The following LAPTM4B variants were observed in gnomAD, a reference collection of about 807,000 sequenced individuals.
LAPTM4B encodes lysosomal protein transmembrane 4 beta, also known as lysosomal-associated transmembrane protein 4B.
In LAPTM4B, 26 loss-of-function variants were observed where a neutral mutation model predicts 28.5. That is an observed-to-expected ratio of 0.91 (90% confidence interval 0.67 to 1.27). The LOEUF is 1.27. Ranked by LOEUF, LAPTM4B falls within the 50% of genes most tolerant of loss-of-function variation. The pLI is 0.00. For synonymous variants in LAPTM4B, 109 were observed against 106.4 expected (o/e 1.02, Z -0.15); for missense variants, 288 against 285.8 (o/e 1.01, Z -0.06).
chr8:97,788,395 G>A, intron 1 of LAPTM4B: 1 of 277,562 alleles, frequency 3.6e-6, no homozygotes, highest in Non-Finnish European at 7.4e-6. Flanking sequence ...CCACGATGGT[G>A]GAGAAAGGAA....
At chr8:97,779,903 T>C (rs1384370990) in intron 1 of LAPTM4B, among the ~76,000 whole-genome samples, 4 of 150,950 alleles carry the variant, frequency 2.6e-5, no homozygotes, top group Non-Finnish European at 5.9e-5. Flanking sequence ...ACTACAAAAT[T>C]AGTCGGGCGC....
intron 6 of LAPTM4B, among the ~76,000 whole-genome samples, chr8:97,828,269 C>T (rs1817124580): frequency 6.6e-6 from 1 of 151,866 alleles, no homozygotes; most frequent in Admixed American, 6.6e-5. Context: ...TTAGGGGTGG[C>T]GTGGGTACCT....
intron 2 of LAPTM4B, among the ~76,000 whole-genome samples, chr8:97,813,647 G>A (rs1004674880): frequency 6.6e-6 from 1 of 152,226 alleles, no homozygotes; most frequent in African/African-American, 2.4e-5. Flanking sequence ...ATCAGCTCTG[G>A]TGTCCAGTAT....
At chr8:97,785,857 GTC>G (rs1286709203) in intron 1 of LAPTM4B, among the ~76,000 whole-genome samples, 1 of 152,194 alleles carries the variant, frequency 6.6e-6, no homozygotes, top group Non-Finnish European at 1.5e-5. Context: ...TCGTTTTAAT[GTC>G]TCTCTGGGCC....
At chr8:97,829,937 C>T (rs1194062599) in intron 6 of LAPTM4B, among the ~76,000 whole-genome samples, 1 of 152,096 alleles carries the variant, frequency 6.6e-6, no homozygotes, top group Non-Finnish European at 1.5e-5. Context: ...CCTCGTGATC[C>T]ACCTGCCTCG....
chr8:97,815,217 T>C (rs1480693988), intron 2 of LAPTM4B, 111 bp from the exon 3 acceptor site: 4 of 761,150 alleles, frequency 5.3e-6, no homozygotes, highest in African/African-American at 3.5e-5. Flanking sequence ...AAGTATTTAC[T>C]AACTTTATGC....
At chr8:97,819,727 C>CTTTTTTTTTT (rs532220760) in intron 5 of LAPTM4B, among the ~76,000 whole-genome samples, 3 of 78,570 alleles carry the variant, frequency 3.8e-5, no homozygotes, top group African/African-American at 1.5e-4. Flanking sequence ...GATAAATTTC[C>CTTTTTTTTTT]TTTTTTTTTT....
chr8:97,849,306 C>G (rs1256918018), intron 6 of LAPTM4B, among the ~76,000 whole-genome samples: 1 of 152,168 alleles, frequency 6.6e-6, no homozygotes, highest in Non-Finnish European at 1.5e-5. Flanking sequence ...CTGTGTCTGC[C>G]TTCTGCTAGA....
At chr8:97,806,534 A>G (rs1433067161) in intron 2 of LAPTM4B, among the ~76,000 whole-genome samples, 3 of 152,214 alleles carry the variant, frequency 2.0e-5, no homozygotes, top group Non-Finnish European at 4.4e-5. Context: ...CTTTAATTTC[A>G]GTAACTAGCT....
chr8:97,830,896 G>A (rs1817174760), intron 6 of LAPTM4B, among the ~76,000 whole-genome samples: 1 of 152,174 alleles, frequency 6.6e-6, no homozygotes, highest in African/African-American at 2.4e-5. Flanking sequence ...TGAAGGACTG[G>A]AAGATAGTTA....
At chr8:97,822,430 T>A (rs2449538) in intron 5 of LAPTM4B, among the ~76,000 whole-genome samples, 132,588 of 151,530 alleles carry the variant, frequency 0.87, 59,315 homozygotes, top group East Asian at 0.96. Context: ...AAAGACTTTT[T>A]AAATCTTTTA....
At chr8:97,800,281 G>A (rs964171574) in intron 1 of LAPTM4B, among the ~76,000 whole-genome samples, 1 of 152,100 alleles carries the variant, frequency 6.6e-6, no homozygotes, top group African/African-American at 2.4e-5. Context: ...TAAAGCAGGT[G>A]TCTTAACACT....
chr8:97,849,128 C>A (rs4452774), intron 6 of LAPTM4B, among the ~76,000 whole-genome samples: 6 of 152,090 alleles, frequency 3.9e-5, no homozygotes, highest in South Asian at 4.1e-4. Flanking sequence ...CAGAAAGTGC[C>A]CTGTGTCCTG....
chr8:97,831,748 T>C (rs1378638209), intron 6 of LAPTM4B, among the ~76,000 whole-genome samples: 1 of 152,218 alleles, frequency 6.6e-6, no homozygotes, highest in East Asian at 1.9e-4. Context: ...ATTGGCTGTC[T>C]GGAGCGGAGA....
intron 2 of LAPTM4B, 32 bp from the exon 3 acceptor site, chr8:97,815,296 T>G: frequency 6.4e-7 from 1 of 1,571,328 alleles, no homozygotes; most frequent in Non-Finnish European, 8.7e-7. Context: ...TGATTGTCTT[T>G]TTTAAAGAAA....
chr8:97,782,076 G>A (rs375744128), intron 1 of LAPTM4B, among the ~76,000 whole-genome samples: 44 of 151,130 alleles, frequency 2.9e-4, no homozygotes, highest in African/African-American at 9.0e-4. Context: ...CGACTCCCAG[G>A]TTCAAGCAAT....
At chr8:97,801,152 TAC>T (rs1816670276) in intron 1 of LAPTM4B, among the ~76,000 whole-genome samples, 1 of 151,232 alleles carries the variant, frequency 6.6e-6, no homozygotes, top group African/African-American at 2.4e-5. Flanking sequence ...AATAATGGAG[TAC>T]ATTGCCCTTG....
intron 6 of LAPTM4B, among the ~76,000 whole-genome samples, chr8:97,842,911 C>T (rs756498646): frequency 2.6e-5 from 4 of 151,342 alleles, no homozygotes; most frequent in Non-Finnish European, 2.9e-5. Context: ...CAGAGTCTCA[C>T]GCTCTCACCC....
chr8:97,801,949 C>T (rs1226557601), intron 1 of LAPTM4B, among the ~76,000 whole-genome samples: 1 of 151,956 alleles, frequency 6.6e-6, no homozygotes, highest in Non-Finnish European at 1.5e-5. Context: ...GTGGGACTGG[C>T]CTGTGGCTCC....
Sources: allele counts gnomAD v4.1 joint callset (sites outside exome capture counted in the v4.1 genomes callset), GRCh38; gene constraint gnomAD v4.1.1; transcripts MANE v1.5; gene names NCBI Gene and HGNC (gene_info 2026-07-23, HGNC 2026-07-21).